CSMD1: variants seen among roughly 807,000 people sequenced by gnomAD.
CSMD1 encodes CUB and sushi domain-containing protein 1.
Under a neutral mutation model 417.5 loss-of-function variants are expected in CSMD1, and 213 were observed. The ratio of observed to expected loss-of-function variants is 0.51; its 90% CI spans 0.46 to 0.57. The LOEUF (loss-of-function observed/expected upper bound fraction) is 0.57, where lower values mean the gene tolerates loss of function less well. Ranked by LOEUF, CSMD1 falls within the 20% of genes least tolerant of loss-of-function variation. The pLI, the probability that CSMD1 is intolerant of heterozygous loss-of-function variation, is 0.00. For missense variants in CSMD1, 6,923 were observed against 4,529.7 expected (o/e 1.53, Z -15.17); for synonymous variants, 2,862 against 1,736.8 (o/e 1.65, Z -16.11).
intron 5 of CSMD1, among the ~76,000 whole-genome samples, chr8:3,770,087 C>G (rs373756015): frequency 1.3e-5 from 2 of 152,182 alleles, no homozygotes; most frequent in East Asian, 1.9e-4. Flanking sequence ...CCAGATTACT[C>G]CCTTCTTTCC....
chr8:3,507,458 T>G (rs1253037570), intron 10 of CSMD1, among the ~76,000 whole-genome samples: 2 of 152,206 alleles, frequency 1.3e-5, no homozygotes, highest in African/African-American at 4.8e-5. Flanking sequence ...AGTGCCACAG[T>G]AAACATACGT....
At chr8:4,762,532 C>T (rs760665031) in intron 1 of CSMD1, among the ~76,000 whole-genome samples, 2 of 151,998 alleles carry the variant, frequency 1.3e-5, no homozygotes. Context: ...TAAAAAACAT[C>T]AAAAAAGTAA....
intron 6 of CSMD1, among the ~76,000 whole-genome samples, chr8:3,719,120 G>T (rs1046020120): frequency 6.6e-6 from 1 of 152,180 alleles, no homozygotes. Context: ...GAAAGATTTT[G>T]TGTCCTGTTC....
chr8:4,044,295 A>C (rs1798037844), intron 3 of CSMD1, among the ~76,000 whole-genome samples: 1 of 152,224 alleles, frequency 6.6e-6, no homozygotes, highest in Admixed American at 6.5e-5. Flanking sequence ...AAAAACAGAG[A>C]AATCATCTCT....
intron 2 of CSMD1, among the ~76,000 whole-genome samples, chr8:4,535,435 T>C (rs974241291): frequency 1.3e-5 from 2 of 152,176 alleles, no homozygotes; most frequent in African/African-American, 4.8e-5. Context: ...TATCTGCTTG[T>C]AGATTTGCTT....
chr8:2,983,394 G>A (rs377740828), intron 54 of CSMD1, among the ~76,000 whole-genome samples: 4 of 152,182 alleles, frequency 2.6e-5, no homozygotes, highest in African/African-American at 9.6e-5. Context: ...CACTGTATTA[G>A]CCAGGATGGT....
chr8:4,348,613 G>C (rs192999231), intron 3 of CSMD1, among the ~76,000 whole-genome samples: 1 of 145,758 alleles, frequency 6.9e-6, no homozygotes. Flanking sequence ...GTGTGTTGGG[G>C]GTGGGGGAGG....
At chr8:4,885,104 G>A (rs1803653197) in intron 1 of CSMD1, among the ~76,000 whole-genome samples, 1 of 151,998 alleles carries the variant, frequency 6.6e-6, no homozygotes, top group Admixed American at 6.5e-5. Context: ...ACTGTAAATG[G>A]AATGGTATTC....
chr8:4,157,961 G>A (rs1416434734), intron 3 of CSMD1, among the ~76,000 whole-genome samples: 2 of 152,178 alleles, frequency 1.3e-5, no homozygotes, highest in East Asian at 1.9e-4. Flanking sequence ...TTTTAGCAAC[G>A]TATGCCGAGA....
chr8:4,056,252 T>C (rs1344065369), intron 3 of CSMD1, among the ~76,000 whole-genome samples: 1 of 151,736 alleles, frequency 6.6e-6, no homozygotes, highest in Non-Finnish European at 1.5e-5. Context: ...TGGCTAATTT[T>C]TGTATTTTTT....
chr8:4,654,062 C>T (rs1378355659), intron 1 of CSMD1, among the ~76,000 whole-genome samples: 1 of 152,064 alleles, frequency 6.6e-6, no homozygotes. Flanking sequence ...CTTCTCAAAG[C>T]CCCATAATGC....
chr8:3,208,096 T>A (rs1585658728), intron 30 of CSMD1, among the ~76,000 whole-genome samples: 2 of 152,248 alleles, frequency 1.3e-5, no homozygotes, highest in African/African-American at 4.8e-5. Context: ...CAAATAAAGA[T>A]TGAAAATATA....
rs544846293 is a variant in CSMD1, at chr8:4,190,054, C to G, written c.416-157955G>C. The stretch of plus-strand genomic sequence containing the variant: ...CAGGTAGAACACGAGGTCAGGAGAT[C>G]GAGACCATCCTGGCTAACATGGTGA... On this transcript the variant is annotated intron_variant, in intron 3 of 69. Coordinates refer to ENST00000635120, the MANE Select transcript of CSMD1 (RefSeq NM_033225.6). 1.1e-3 allele frequency among the ~76,000 whole-genome samples: 162 copies of G among 151,644 alleles called. 1 individual carries two copies. The highest frequency in any genetic ancestry group is 3.8e-3 in the African/African-American group (159 of 41,308).
intron 28 of CSMD1, 58 bp downstream of exon 28, chr8:3,223,671 T>C (rs1303536730): frequency 1.3e-6 from 2 of 1,576,876 alleles, no homozygotes; most frequent in Non-Finnish European, 1.7e-6. Context: ...AAAGAAGTAA[T>C]TTTTAGGTAT....
intron 3 of CSMD1, among the ~76,000 whole-genome samples, chr8:4,211,932 G>T (rs775141249): frequency 1.1e-4 from 17 of 152,142 alleles, no homozygotes; most frequent in Non-Finnish European, 2.4e-4. Context: ...GGAAGAAAGG[G>T]TAATAAAGTC....
chr8:3,350,806 G>C (rs771533745), intron 21 of CSMD1, among the ~76,000 whole-genome samples: 5 of 151,888 alleles, frequency 3.3e-5, no homozygotes, highest in African/African-American at 4.8e-5. Context: ...TAAACCAAAA[G>C]AAATAATTTT....
At chr8:4,957,357 G>A (rs904759094) in intron 1 of CSMD1, among the ~76,000 whole-genome samples, 5 of 152,160 alleles carry the variant, frequency 3.3e-5, no homozygotes, top group African/African-American at 1.2e-4. Context: ...ACATTTGGCA[G>A]TTTGTGAAAA....
chr8:4,752,965 C>T (rs1485552563), intron 1 of CSMD1, among the ~76,000 whole-genome samples: 1 of 152,132 alleles, frequency 6.6e-6, no homozygotes, highest in Non-Finnish European at 1.5e-5. Context: ...CAAAGAAAAT[C>T]ATTACTTTAA....
At chr8:3,294,958 C>G (rs188393481) in intron 25 of CSMD1, among the ~76,000 whole-genome samples, 6 of 152,134 alleles carry the variant, frequency 3.9e-5, no homozygotes, top group East Asian at 3.9e-4. Flanking sequence ...ATTTGGCCAT[C>G]TTGGCTCCAC....
Sources: gnomAD v4.1 joint callset for allele counts (sites outside exome capture counted in the v4.1 genomes callset) on GRCh38, gnomAD v4.1.1 for gene constraint, MANE v1.5 for transcripts, NCBI Gene and HGNC (gene_info 2026-07-23, HGNC 2026-07-21) for gene names.